The following TAS2R1 variants were observed in gnomAD, a reference collection of about 807,000 sequenced individuals.
The protein encoded by TAS2R1 is taste receptor type 2 member 1.
For missense variants in TAS2R1, 370 were observed against 353.4 expected, an observed-to-expected ratio of 1.05 and a Z score of -0.38; for synonymous variants, 141 against 134.2, an observed-to-expected ratio of 1.05 and a Z score of -0.35.
At chr5:9,826,437 A>C in the TAS2R1 span, among the ~76,000 whole-genome samples, 1 of 152,218 alleles carries the variant, frequency 6.6e-6, no homozygotes, top group Non-Finnish European at 1.5e-5. Flanking sequence ...ACAACGTAAA[A>C]AGAAACACAC....
chr5:9,897,895 A>C, the TAS2R1 span, among the ~76,000 whole-genome samples: 1 of 152,188 alleles, frequency 6.6e-6, no homozygotes, highest in African/African-American at 2.4e-5. Flanking sequence ...TTGATATATA[A>C]ACACAACACT....
chr5:9,781,209 A>T, the TAS2R1 span, among the ~76,000 whole-genome samples: 3 of 152,204 alleles, frequency 2.0e-5, no homozygotes, highest in African/African-American at 7.2e-5. Context: ...CAATTTTTAA[A>T]GTTGAACTTT....
chr5:9,845,066 A>C, the TAS2R1 span, among the ~76,000 whole-genome samples: 1 of 152,176 alleles, frequency 6.6e-6, no homozygotes. Flanking sequence ...AAATTCCTAC[A>C]TTGAAGCCCT....
At chr5:9,770,850 T>C in the TAS2R1 span, among the ~76,000 whole-genome samples, 3 of 152,188 alleles carry the variant, frequency 2.0e-5, no homozygotes, top group African/African-American at 7.2e-5. Flanking sequence ...ACAAGGATAA[T>C]TTGGCTTCTT....
At chr5:9,859,338 C>T in the TAS2R1 span, among the ~76,000 whole-genome samples, 17,728 of 152,208 alleles carry the variant, frequency 0.12, 1,137 homozygotes, top group East Asian at 0.21. Context: ...AAAGAAAAAG[C>T]TGAAGGAATT....
the TAS2R1 span, among the ~76,000 whole-genome samples, chr5:9,851,386 C>T: frequency 1.3e-5 from 2 of 152,086 alleles, no homozygotes; most frequent in African/African-American, 4.8e-5. Flanking sequence ...CTAAAATTGA[C>T]AAAGAAATAA....
chr5:9,755,095 A>C, the TAS2R1 span, among the ~76,000 whole-genome samples: 1 of 152,294 alleles, frequency 6.6e-6, no homozygotes, highest in Admixed American at 6.5e-5. Context: ...TTTACGGTTC[A>C]TTAGCCCAAT....
the TAS2R1 span, among the ~76,000 whole-genome samples, chr5:9,806,748 T>C: frequency 1.3e-5 from 2 of 152,054 alleles, no homozygotes; most frequent in Non-Finnish European, 2.9e-5. Context: ...AAAAATCAAC[T>C]CAAGATAAAT....
the TAS2R1 span, among the ~76,000 whole-genome samples, chr5:9,729,571 G>A: frequency 1.4e-5 from 2 of 140,954 alleles, no homozygotes; most frequent in African/African-American, 2.9e-5. Flanking sequence ...GAATCCAAAA[G>A]ACCCTTTTTT....
the TAS2R1 span, among the ~76,000 whole-genome samples, chr5:9,746,878 A>G: frequency 1.3e-5 from 2 of 152,210 alleles, no homozygotes; most frequent in Non-Finnish European, 2.9e-5. Context: ...GCACATGTAT[A>G]CCTATGAAAC....
At chr5:9,780,105 A>G in the TAS2R1 span, among the ~76,000 whole-genome samples, 1 of 152,156 alleles carries the variant, frequency 6.6e-6, no homozygotes, top group Non-Finnish European at 1.5e-5. Flanking sequence ...CCTTTCTACA[A>G]GATCATTTCC....
At chr5:9,654,586 GA>G (rs1740372068) in intron 2 of TAS2R1, among the ~76,000 whole-genome samples, 1 of 152,086 alleles carries the variant, frequency 6.6e-6, no homozygotes. Context: ...GCATAGTCCA[GA>G]AAGGAAAAAA....
chr5:9,804,769 T>C, the TAS2R1 span, among the ~76,000 whole-genome samples: 1 of 152,046 alleles, frequency 6.6e-6, no homozygotes, highest in African/African-American at 2.4e-5. Flanking sequence ...GTTCATAGCA[T>C]TAAATGCCTA....
chr5:9,792,318 C>T, the TAS2R1 span, among the ~76,000 whole-genome samples: 1 of 152,142 alleles, frequency 6.6e-6, no homozygotes, highest in African/African-American at 2.4e-5. Flanking sequence ...TGCTATTTTC[C>T]AAGACTTTTA....
upstream of TAS2R1, among the ~76,000 whole-genome samples, chr5:9,633,543 G>A (rs566871641): frequency 6.6e-6 from 1 of 151,672 alleles, no homozygotes; most frequent in African/African-American, 2.4e-5. Flanking sequence ...CACAGTGGTT[G>A]TACTAGTTTA....
chr5:9,761,931 G>A, the TAS2R1 span, among the ~76,000 whole-genome samples: 1 of 152,096 alleles, frequency 6.6e-6, no homozygotes, highest in Non-Finnish European at 1.5e-5. Context: ...CAAACCCCAG[G>A]ACTCCTCAGG....
At chr5:9,721,249 G>A in the TAS2R1 span, among the ~76,000 whole-genome samples, 1 of 152,166 alleles carries the variant, frequency 6.6e-6, no homozygotes, top group Admixed American at 6.5e-5. Flanking sequence ...ACATGCATTT[G>A]ATCCCTTTAA....
chr5:9,713,275 G>A (rs549826032), upstream of TAS2R1: 1 of 152,250 alleles, frequency 6.6e-6, no homozygotes, highest in East Asian at 1.9e-4. Context: ...TACTGAGGAG[G>A]ACAAACATAA....
the TAS2R1 span, among the ~76,000 whole-genome samples, chr5:9,867,374 G>C: frequency 4.7e-4 from 71 of 152,258 alleles, no homozygotes; most frequent in African/African-American, 1.6e-3. Context: ...GCATGGCTGG[G>C]GAGGCCTCAC....
Sources: allele counts gnomAD v4.1 joint callset (sites outside exome capture counted in the v4.1 genomes callset), GRCh38; gene constraint gnomAD v4.1.1; transcripts MANE v1.5; gene names NCBI Gene and HGNC (gene_info 2026-07-23, HGNC 2026-07-21).